The following AGMO variants were observed in gnomAD, a reference collection of about 807,000 sequenced individuals.
AGMO encodes alkylglycerol monooxygenase, also known as glyceryl-ether monooxygenase.
In AGMO, 75 loss-of-function variants were observed where a neutral mutation model predicts 60.2. That is an observed-to-expected ratio of 1.25 (90% confidence interval 1.03 to 1.51). The LOEUF is 1.51. AGMO is among the 40% of genes most tolerant of loss of function. AGMO has a pLI of 0.00. For missense variants in AGMO, 763 were observed against 525.5 expected, an observed-to-expected ratio of 1.45 and a Z score of -4.42; for synonymous variants, 261 against 177.1, an observed-to-expected ratio of 1.47 and a Z score of -3.76.
At chr7:15,514,159 A>G (rs1460523558) in intron 3 of AGMO, among the ~76,000 whole-genome samples, 1 of 152,186 alleles carries the variant, frequency 6.6e-6, no homozygotes, top group African/African-American at 2.4e-5. Context: ...TGATACCTCA[A>G]TTTTAGCATA....
chr7:15,250,274 C>G (rs1421097280), intron 12 of AGMO, among the ~76,000 whole-genome samples: 2 of 152,114 alleles, frequency 1.3e-5, no homozygotes, highest in Non-Finnish European at 2.9e-5. Context: ...ATTCCCACTA[C>G]TGTACAAAGA....
intron 4 of AGMO, among the ~76,000 whole-genome samples, chr7:15,420,668 A>G (rs1780899325): frequency 6.6e-6 from 1 of 152,182 alleles, no homozygotes; most frequent in Non-Finnish European, 1.5e-5. Context: ...TCCGAATCCT[A>G]TATAACTTAT....
At chr7:15,126,524 C>A in the AGMO span, among the ~76,000 whole-genome samples, 2 of 152,058 alleles carry the variant, frequency 1.3e-5, no homozygotes, top group African/African-American at 2.4e-5. Context: ...GAAAAATAAA[C>A]TTGCGGACTA....
chr7:15,341,638 G>C (rs1455752048), intron 12 of AGMO, among the ~76,000 whole-genome samples: 1 of 152,046 alleles, frequency 6.6e-6, no homozygotes, highest in African/African-American at 2.4e-5. Flanking sequence ...TTTTACAGCA[G>C]CACACCACTA....
At chr7:15,543,696 G>C (rs1240057941) in intron 3 of AGMO, among the ~76,000 whole-genome samples, 1 of 151,958 alleles carries the variant, frequency 6.6e-6, no homozygotes, top group Non-Finnish European at 1.5e-5. Flanking sequence ...AACAATAATG[G>C]AAGGCAGTAT....
At chr7:15,396,504 A>T (rs1245820834) in intron 5 of AGMO, 1 of 152,306 alleles carries the variant, frequency 6.6e-6, no homozygotes, top group African/African-American at 2.4e-5. Flanking sequence ...AAGAACGAGC[A>T]GCAGCAATAC....
chr7:15,440,620 C>G (rs1340322774), intron 3 of AGMO, among the ~76,000 whole-genome samples: 4 of 152,142 alleles, frequency 2.6e-5, no homozygotes, highest in Non-Finnish European at 5.9e-5. Context: ...ATGGTTTCAC[C>G]TATAGGCAGA....
chr7:15,371,244 A>T (rs1443051721), intron 10 of AGMO, among the ~76,000 whole-genome samples: 2 of 151,882 alleles, frequency 1.3e-5, no homozygotes, highest in Admixed American at 6.6e-5. Context: ...TTTGAAACAG[A>T]GTTTTACTCC....
chr7:15,531,827 C>T (rs1784375610), intron 3 of AGMO, among the ~76,000 whole-genome samples: 1 of 150,710 alleles, frequency 6.6e-6, no homozygotes, highest in Non-Finnish European at 1.5e-5. Flanking sequence ...CAACACCATG[C>T]CCAGCTAATT....
Position 15,394,859 on chromosome 7 carries a change from T to C in AGMO, c.610-680A>G, listed in dbSNP as rs570325818. On this transcript the variant is annotated intron_variant, in intron 5 of 12. Coordinates refer to ENST00000342526, the MANE Select transcript of AGMO (RefSeq NM_001004320.2). ...TACCATTACATCTTAGAGGCACAATTCGAAGTCAAATATATAAAAAGGCCT... is the reference window on the plus strand; with the variant it reads ...TACCATTACATCTTAGAGGCACAATCCGAAGTCAAATATATAAAAAGGCCT... Among the ~76,000 whole-genome samples the C allele has an allele frequency of 2.1e-4, 32 of 152,284 alleles. No individual in the cohort carries two copies. The South Asian group carries it at 6.4e-3, about 31-fold the overall frequency.
At chr7:15,371,934 TTAAA>T (rs1783235304) in intron 10 of AGMO, among the ~76,000 whole-genome samples, 2 of 152,014 alleles carry the variant, frequency 1.3e-5, no homozygotes, top group African/African-American at 4.8e-5. Flanking sequence ...TTTCTAAATA[TTAAA>T]TATTTAAATA....
At chr7:15,408,407 A>T (rs1784760198) in intron 5 of AGMO, among the ~76,000 whole-genome samples, 1 of 151,874 alleles carries the variant, frequency 6.6e-6, no homozygotes, top group Admixed American at 6.6e-5. Context: ...TAAAAAAACC[A>T]GAATTCTGTT....
intron 2 of AGMO, among the ~76,000 whole-genome samples, chr7:15,555,305 ACACAC>A (rs1785104034): frequency 7.4e-6 from 1 of 136,046 alleles, no homozygotes; most frequent in African/African-American, 3.3e-5. Context: ...ACACACACAC[ACACAC>A]ACACACACAC....
rs534063277 is a variant in AGMO, at chr7:15,377,415, A to C, written c.1074+8031T>G. On this transcript the variant is annotated intron_variant, in intron 10 of 12. Coordinates refer to ENST00000342526, the MANE Select transcript of AGMO (RefSeq NM_001004320.2). ...TCATGACAGTAGAGAAATCTTGAGA[A>C]AACCATGCTGTAAGTCACATATTTT... Among the ~76,000 whole-genome samples, 33 of 152,110 alleles carry C rather than the reference A, an allele frequency of 2.2e-4. No homozygotes were observed. In the Middle Eastern group the frequency reaches 0.01, roughly 47 times the overall value.
intron 12 of AGMO, among the ~76,000 whole-genome samples, chr7:15,256,935 A>G (rs1421490303): frequency 6.6e-6 from 1 of 152,208 alleles, no homozygotes; most frequent in Non-Finnish European, 1.5e-5. Context: ...GAGAAAATAA[A>G]TAAATAAATA....
At chr7:15,476,969 T>C (rs902685479) in intron 3 of AGMO, among the ~76,000 whole-genome samples, 3 of 152,088 alleles carry the variant, frequency 2.0e-5, no homozygotes, top group African/African-American at 7.2e-5. Flanking sequence ...ATACCACTTC[T>C]TTATGATCAT....
chr7:15,194,389 A>G, the AGMO span, among the ~76,000 whole-genome samples: 3 of 152,072 alleles, frequency 2.0e-5, no homozygotes, highest in African/African-American at 7.2e-5. Flanking sequence ...AAAAAAGAAA[A>G]ATATATATAA....
intron 12 of AGMO, among the ~76,000 whole-genome samples, chr7:15,334,038 A>G (rs1232727768): frequency 6.6e-6 from 1 of 152,158 alleles, no homozygotes; most frequent in Non-Finnish European, 1.5e-5. Flanking sequence ...ATACCAAGGG[A>G]GGTTCCTGAA....
chr7:15,214,373 T>C (rs1781676208), intron 12 of AGMO, among the ~76,000 whole-genome samples: 1 of 152,056 alleles, frequency 6.6e-6, no homozygotes, highest in Admixed American at 6.6e-5. Context: ...CCTCTTTGGT[T>C]AGCTTCTGAA....
Sources: allele counts gnomAD v4.1 joint callset (sites outside exome capture counted in the v4.1 genomes callset), GRCh38; gene constraint gnomAD v4.1.1; transcripts MANE v1.5; gene names NCBI Gene and HGNC (gene_info 2026-07-23, HGNC 2026-07-21).